The following PLCG2 variants were observed in gnomAD, a reference collection of about 807,000 sequenced individuals.
The protein encoded by PLCG2 is phospholipase C gamma 2, also known as 1-phosphatidylinositol 4,5-bisphosphate phosphodiesterase gamma-2.
A neutral mutation model predicts 175.6 loss-of-function variants in PLCG2; 69 were observed. The ratio of observed to expected loss-of-function variants is 0.39; its 90% CI spans 0.32 to 0.48. The LOEUF (loss-of-function observed/expected upper bound fraction) is 0.48. Ranked by LOEUF, PLCG2 falls within the 20% of genes least tolerant of loss-of-function variation. The pLI, the probability that PLCG2 is intolerant of heterozygous loss-of-function variation, is 0.91. For missense variants in PLCG2, 1,798 were observed against 1,650.9 expected (o/e 1.09, Z -1.54); for synonymous variants, 827 against 624.0 (o/e 1.33, Z -4.85).
intron 27 of PLCG2, among the ~76,000 whole-genome samples, chr16:81,936,704 T>C (rs1910729354): frequency 6.6e-6 from 1 of 152,224 alleles, no homozygotes; most frequent in African/African-American, 2.4e-5. Flanking sequence ...CCTGTTGCTG[T>C]GTGAGGGCTT....
At chr16:81,742,386 G>T (rs568970251) in intron 1 of PLCG2, among the ~76,000 whole-genome samples, 2 of 152,156 alleles carry the variant, frequency 1.3e-5, no homozygotes, top group Admixed American at 6.5e-5. Flanking sequence ...CTGCTTCACA[G>T]GTGATGACCC....
intron 30 of PLCG2, among the ~76,000 whole-genome samples, chr16:81,942,759 C>T (rs1910997324): frequency 6.6e-6 from 1 of 152,178 alleles, no homozygotes; most frequent in South Asian, 2.1e-4. Context: ...GAGATTCAAA[C>T]CCAGGAATGT....
At chr16:81,768,637 C>A (rs1910206191) in intron 2 of PLCG2, among the ~76,000 whole-genome samples, 1 of 146,544 alleles carries the variant, frequency 6.8e-6, no homozygotes, top group African/African-American at 2.5e-5. Flanking sequence ...GCGATCTCAG[C>A]TCACTGCAAC....
intron 31 of PLCG2, among the ~76,000 whole-genome samples, chr16:81,953,755 C>A (rs1212068197): frequency 6.6e-6 from 1 of 152,120 alleles, no homozygotes; most frequent in Non-Finnish European, 1.5e-5. Context: ...CTTTTACGTT[C>A]TTTTCTGAAT....
intron 5 of PLCG2, among the ~76,000 whole-genome samples, chr16:81,861,731 G>A (rs1906991278): frequency 6.6e-6 from 1 of 152,238 alleles, no homozygotes; most frequent in South Asian, 2.1e-4. Context: ...AGGGCTGAGA[G>A]AGGGAGCCAC....
At chr16:81,808,121 G>A (rs1297337398) in intron 2 of PLCG2, among the ~76,000 whole-genome samples, 1 of 152,244 alleles carries the variant, frequency 6.6e-6, no homozygotes, top group Non-Finnish European at 1.5e-5. Context: ...AGGATTTTGT[G>A]TAGATGTGTT....
intron 1 of PLCG2, among the ~76,000 whole-genome samples, chr16:81,755,511 C>A (rs1312028394): frequency 6.6e-6 from 1 of 151,476 alleles, no homozygotes; most frequent in Non-Finnish European, 1.5e-5. Context: ...TGGCTTCAGC[C>A]TGTTTCTTTA....
At chr16:81,749,950 T>C (rs1030617981) in intron 1 of PLCG2, among the ~76,000 whole-genome samples, 1 of 151,840 alleles carries the variant, frequency 6.6e-6, no homozygotes, top group African/African-American at 2.4e-5. Context: ...GTACCATGGT[T>C]GAGAAAAAGA....
chr16:81,831,796 A>G (rs1215035517), intron 2 of PLCG2, among the ~76,000 whole-genome samples: 1 of 152,138 alleles, frequency 6.6e-6, no homozygotes, highest in Non-Finnish European at 1.5e-5. Flanking sequence ...GAAGGCTCTT[A>G]CCTTCTAGCT....
intron 14 of PLCG2, among the ~76,000 whole-genome samples, chr16:81,901,065 C>T (rs1249264030): frequency 2.0e-5 from 3 of 152,234 alleles, no homozygotes; most frequent in Non-Finnish European, 4.4e-5. Context: ...CGTGCAACTG[C>T]GCCTGTCATG....
upstream of PLCG2, among the ~76,000 whole-genome samples, chr16:81,778,052 AAACAAAAAAAAC>A (rs1567457837): frequency 1.5e-4 from 15 of 103,000 alleles, 1 homozygote; most frequent in African/African-American, 6.7e-4. Flanking sequence ...ACAAAAAAAA[AAACAAAAAAAAC>A]CAAAAACACA....
intron 2 of PLCG2, among the ~76,000 whole-genome samples, chr16:81,800,456 A>C (rs960027552): frequency 1.3e-5 from 2 of 152,106 alleles, no homozygotes; most frequent in Admixed American, 1.3e-4. Flanking sequence ...ATGATTGAGA[A>C]CATGCAGTGT....
At chr16:81,912,439 G>C (rs899743520) in intron 18 of PLCG2, among the ~76,000 whole-genome samples, 158 bp from the exon 19 acceptor site, 1 of 152,226 alleles carries the variant, frequency 6.6e-6, no homozygotes, top group East Asian at 1.9e-4. Flanking sequence ...TCTTTGCTGA[G>C]GTGCCTTTGT....
chr16:81,890,854 C>G (rs985279128), intron 10 of PLCG2, among the ~76,000 whole-genome samples: 13 of 152,176 alleles, frequency 8.5e-5, no homozygotes, highest in African/African-American at 1.9e-4. Context: ...ATTCATGCTA[C>G]TATTATGCTT....
chr16:81,934,943 C>T (rs913119877), intron 26 of PLCG2, among the ~76,000 whole-genome samples: 1 of 152,112 alleles, frequency 6.6e-6, no homozygotes, highest in South Asian at 2.1e-4. Flanking sequence ...CCCCATGATT[C>T]AATTATCTCC....
chr16:81,741,940 C>A (rs902790080), intron 1 of PLCG2, among the ~76,000 whole-genome samples: 12 of 152,150 alleles, frequency 7.9e-5, no homozygotes, highest in Non-Finnish European at 1.5e-4. Context: ...CATAGTTAAC[C>A]ATATTCACCC....
At chr16:81,914,456 G>A (rs371904990) in intron 19 of PLCG2, among the ~76,000 whole-genome samples, 122 of 152,346 alleles carry the variant, frequency 8.0e-4, no homozygotes, top group Non-Finnish European at 1.3e-3. Flanking sequence ...CAATGGGACC[G>A]CGTGAATGAA....
Position 81,786,128 on chromosome 16 carries a change from A to G in PLCG2, c.139A>G (p.Met47Val). ...CGAGCGGAGAACCGTCCAGGTGATCATGGAGACGCGGCAGGTGGCCTGGAG... is the reference window on the plus strand; with the variant it reads ...CGAGCGGAGAACCGTCCAGGTGATCGTGGAGACGCGGCAGGTGGCCTGGAG... ...TPERRTVQVI[M>V]ETRQVAWSKT... Residue 47 changes from methionine to valine, a missense_variant, in exon 2 of 33, where the codon ATG (methionine) becomes GTG (valine). Transcript: ENST00000564138. The G allele has an allele frequency of 6.2e-7, 1 of 1,614,200 alleles. No homozygotes were observed. The highest frequency in any genetic ancestry group is 8.5e-7 in the Non-Finnish European group (1 of 1,180,042).
At chr16:81,803,982 CTT>C (rs762031453) in intron 2 of PLCG2, among the ~76,000 whole-genome samples, 2 of 152,138 alleles carry the variant, frequency 1.3e-5, no homozygotes, top group African/African-American at 2.4e-5. Context: ...TGCCTGGACT[CTT>C]TTTGGTTATT....
Sources: gnomAD v4.1 joint callset for allele counts (sites outside exome capture counted in the v4.1 genomes callset) on GRCh38, gnomAD v4.1.1 for gene constraint, MANE v1.5 for transcripts, NCBI Gene and HGNC (gene_info 2026-07-23, HGNC 2026-07-21) for gene names.